Variants in LY75 observed in about 807,000 individuals in gnomAD.
The protein encoded by LY75 is C-type lectin domain family 13 member B.
In LY75, 185 loss-of-function variants were observed where a neutral mutation model predicts 231.7. The observed-to-expected ratio is 0.80, with a 90% confidence interval of 0.71 to 0.90. LY75 has a LOEUF of 0.90. Ranked by LOEUF, LY75 falls within the 40% of genes least tolerant of loss-of-function variation. LY75 has a pLI of 0.00. For missense variants in LY75, 1,947 were observed against 2,050.2 expected, an observed-to-expected ratio of 0.95 and a Z score of 0.97; for synonymous variants, 668 against 689.0, an observed-to-expected ratio of 0.97 and a Z score of 0.48.
At chr2:159,879,163 T>C (rs923113266) in intron 9 of LY75, 96 bp downstream of exon 9, 33 of 1,365,100 alleles carry the variant, frequency 2.4e-5, no homozygotes, top group Non-Finnish European at 3.3e-5. Flanking sequence ...TAGTTTCCTC[T>C]ATTTTATAAG....
rs1682744660 is a variant in LY75, at chr2:159,804,727, A to C, written c.*317T>G. 6.2e-6 allele frequency: 1 copy of C among 160,062 alleles called. No individual in the cohort carries two copies. Among genetic ancestry groups the C allele is most frequent in the Non-Finnish European group, 1.4e-5 (1 of 73,016 alleles). 9.9% of individuals were successfully genotyped at this position (160,062 alleles called of 1,614,324 possible). Reference sequence around the variant, plus strand: ...TTTAATTTTCTAAGAAGTTTTGTTAAAAATTCTATTAAAATATACATATCC... The same window carrying C: ...TTTAATTTTCTAAGAAGTTTTGTTACAAATTCTATTAAAATATACATATCC... On this transcript the variant is annotated 3_prime_UTR_variant, in exon 35 of 35. Transcript: ENST00000263636.
intron 24 of LY75, among the ~76,000 whole-genome samples, 197 bp downstream of exon 24, chr2:159,842,048 C>G (rs1418825406): frequency 6.6e-6 from 1 of 151,892 alleles, no homozygotes. Context: ...ATTTTTTCGG[C>G]TTTTATTTTA....
In LY75 at chr2:159,840,942, T is replaced by A; in HGVS notation, c.3294A>T (p.Arg1098Ser). 1 of 1,613,736 alleles carries A rather than the reference T, an allele frequency of 6.2e-7. No individual in the cohort carries two copies. The highest frequency in any genetic ancestry group is 8.5e-7 in the Non-Finnish European group (1 of 1,179,938). Reference protein sequence around the residue: ...LCQKYSEVKSRQTLQNASETV... With the variant: ...LCQKYSEVKSSQTLQNASETV... Reference sequence around the variant, plus strand: ...TTTCTGAAGCATTCTGCAACGTCTGTCTGCTTTTAACTTCTGCATGTAAAA... The same window carrying A: ...TTTCTGAAGCATTCTGCAACGTCTGACTGCTTTTAACTTCTGCATGTAAAA... The change falls in exon 25 of 35, where the codon AGA (arginine) becomes AGT (serine). Residue 1098 changes from arginine (R) to serine (S), a missense_variant. Physicochemically the swap from Arg to Ser is moderately radical, Grantham distance 110. Coordinates refer to ENST00000263636, the MANE Select transcript of LY75 (RefSeq NM_002349.4).
intron 16 of LY75, among the ~76,000 whole-genome samples, chr2:159,857,434 C>A (rs187612664): frequency 6.6e-6 from 1 of 152,264 alleles, no homozygotes; most frequent in African/African-American, 2.4e-5. Context: ...TTTCATACAG[C>A]CAATCTCTGC....
chr2:159,808,188 G>C (rs978995175), intron 33 of LY75: 53 of 901,610 alleles, frequency 5.9e-5, no homozygotes, highest in Non-Finnish European at 6.8e-5. Flanking sequence ...TTGATCCAAG[G>C]ATCCCAGAAA....
intron 13 of LY75, among the ~76,000 whole-genome samples, chr2:159,865,165 G>GA (rs1034780533): frequency 3.3e-5 from 5 of 151,870 alleles, no homozygotes; most frequent in African/African-American, 1.2e-4. Context: ...ATTTTAAGAG[G>GA]AAAAAAATGG....
At chr2:159,878,771 T>C (rs765751327) in intron 9 of LY75, 50 bp from the exon 10 acceptor site, 3 of 1,596,320 alleles carry the variant, frequency 1.9e-6, no homozygotes, top group Non-Finnish European at 1.7e-6. Context: ...CTTGATGGTG[T>C]CCCGTCTGGC....
Position 159,854,391 on chromosome 2 carries a change from C to G in LY75, c.2564G>C (p.Gly855Ala). 3 of 1,496,414 alleles carry G rather than the reference C, an allele frequency of 2.0e-6. No homozygotes were observed. The highest frequency in any genetic ancestry group is 2.7e-6 in the Non-Finnish European group (3 of 1,113,136). 92.7% of individuals were successfully genotyped at this position (1,496,414 alleles called of 1,614,324 possible). ...TATTTTGTTTTTGATGGCTTTTAGT[C>G]CCACAAAAGATGTTATAGTTGCAAG... ...SFLATITSFV[G>A]LKAIKNKIAN... The change falls in exon 18 of 35, where the codon GGA becomes GCA. Residue 855 changes from glycine (G) to alanine (A), a missense_variant. Physicochemically the swap from Gly to Ala is moderately conservative, Grantham distance 60 (BLOSUM62 0). Transcript: ENST00000263636.
intron 13 of LY75, among the ~76,000 whole-genome samples, chr2:159,867,427 GAA>G (rs1684890021): frequency 6.6e-6 from 1 of 152,142 alleles, no homozygotes; most frequent in Non-Finnish European, 1.5e-5. Flanking sequence ...AAATGTGAAG[GAA>G]AAAATTGCAC....
chr2:159,814,709 G>GGAAAA (rs1045128911), intron 31 of LY75, among the ~76,000 whole-genome samples: 18 of 149,764 alleles, frequency 1.2e-4, no homozygotes, highest in Middle Eastern at 3.5e-3. Context: ...AGAAAAGAAA[G>GGAAAA]GAAAAGAAAA....
chr2:159,807,956 C>T, intron 33 of LY75: 1 of 944,962 alleles, frequency 1.1e-6, no homozygotes. Context: ...TCACACCAAC[C>T]TAACACTAAG....
At position 159,810,565 on chromosome 2, in the gene LY75, G is replaced by A. The variant is rs778874956; in HGVS notation, c.4660C>T (p.His1554Tyr). Residue 1554 changes from histidine to tyrosine, a missense_variant, in exon 32 of 35, where the codon CAC (histidine) becomes TAC (tyrosine). His to Tyr is a moderately conservative substitution (Grantham distance 83). Transcript: ENST00000263636. ...GHCYKSDQAL[H>Y]SFSEAKKLCS... The stretch of plus-strand genomic sequence containing the variant: ...AATTTTTTGGCCTCTGAAAAACTGT[G>A]CAATGCCTGATCAGACTTGTAACAG... 1 of 1,614,018 alleles carries A rather than the reference G, an allele frequency of 6.2e-7. No homozygotes were observed. The highest frequency in any genetic ancestry group is 1.1e-5 in the South Asian group (1 of 91,046).
At chr2:159,807,719 A>C (rs1682830522) in intron 33 of LY75, 1 of 955,398 alleles carries the variant, frequency 1.0e-6, no homozygotes, top group Non-Finnish European at 1.2e-6. Flanking sequence ...ACAAGTACTT[A>C]ACATTTTAAA....
intron 27 of LY75, among the ~76,000 whole-genome samples, chr2:159,832,543 A>C (rs1444689084): frequency 2.0e-5 from 3 of 152,198 alleles, no homozygotes; most frequent in African/African-American, 7.2e-5. Context: ...AGGGTTAAAA[A>C]GGCTTAATAT....
chr2:159,882,315 T>C lies in LY75; in HGVS notation c.1055A>G (p.Asp352Gly), dbSNP rs1448578328. The change falls in exon 7 of 35, where the codon GAT (aspartate) becomes GGT (glycine). Residue 352 changes from aspartate to glycine, a missense_variant and splice_region_variant. Transcript: ENST00000263636. ...KPLNNTVELT[D>G]VWTYSDTRCD... ...GCGGGTATCTGAGTATGTCCAGACA[T>C]CTGGGGGAAAAGCAGCTATTTATAT... 1.9e-6 allele frequency: 3 copies of C among 1,612,214 alleles called. No individual in the cohort carries two copies. The Admixed American group carries it at 5.0e-5, about 27-fold the overall frequency.
At position 159,894,093 on chromosome 2, in the gene LY75, G is replaced by C. The variant is rs1025523092; in HGVS notation, c.467-9C>G. The C allele has an allele frequency of 6.3e-7, 1 of 1,583,632 alleles. No individual in the cohort carries two copies. Among genetic ancestry groups the C allele is most frequent in the Non-Finnish European group, 8.6e-7 (1 of 1,166,462 alleles). ...ATCTCTGGTATAGATCTCTGGGTTG[G>C]AGAGGAAGTTGGGGAAAAGAGAGTT... On this transcript the variant is annotated splice_polypyrimidine_tract_variant and intron_variant, in intron 2 of 34. Coordinates refer to ENST00000263636, the MANE Select transcript of LY75 (RefSeq NM_002349.4).
Position 159,854,535 on chromosome 2 carries a change from T to A in LY75, c.2420A>T (p.Asp807Val), listed in dbSNP as rs777209971. ...TPKTPDWYNP[D>V]RAGIHGPPLI... ...TGGAGGTCCATGAATTCCAGCACGG[T>A]CTAAAGAAGAAGAAGAAAAAGATTA... is the stretch of plus-strand genomic sequence containing the variant. The change falls in exon 18 of 35, where the codon GAC becomes GTC. Residue 807 changes from aspartate (D) to valine (V), a missense_variant and splice_region_variant. Transcript: ENST00000263636. The A allele has an allele frequency of 1.2e-5, 20 of 1,609,954 alleles. No individual in the cohort carries two copies. Among genetic ancestry groups the A allele is most frequent in the Non-Finnish European group, 1.7e-5 (20 of 1,178,032 alleles).
chr2:159,866,916 C>A (rs951395818), intron 13 of LY75, among the ~76,000 whole-genome samples: 3 of 152,056 alleles, frequency 2.0e-5, no homozygotes, highest in Admixed American at 6.6e-5. Flanking sequence ...CACTGGTAGC[C>A]TTTTTAGAGG....
chr2:159,812,788 C>T (rs1396705210), intron 31 of LY75, among the ~76,000 whole-genome samples: 2 of 152,184 alleles, frequency 1.3e-5, no homozygotes, highest in African/African-American at 4.8e-5. Context: ...CACCACCCAT[C>T]TCTAAAATTT....
Sources: allele counts gnomAD v4.1 joint callset (sites outside exome capture counted in the v4.1 genomes callset), GRCh38; gene constraint gnomAD v4.1.1; transcripts MANE v1.5; gene names NCBI Gene and HGNC (gene_info 2026-07-23, HGNC 2026-07-21).